Variants in GPHN observed in about 807,000 individuals in gnomAD.
The protein encoded by GPHN is gephyrin.
In GPHN, 17 loss-of-function variants were observed where a neutral mutation model predicts 95.5. That is an observed-to-expected ratio of 0.18 (90% CI 0.12 to 0.27). The LOEUF (loss-of-function observed/expected upper bound fraction) is 0.27. Ranked by LOEUF, GPHN falls within the 10% of genes least tolerant of loss-of-function variation. The pLI, the probability that GPHN is intolerant of heterozygous loss-of-function variation, is 1.00. For missense variants in GPHN, 660 were observed against 978.1 expected (o/e 0.67, Z 4.34); for synonymous variants, 320 against 322.5 (o/e 0.99, Z 0.08).
At chr14:67,644,465 C>T in the GPHN span, among the ~76,000 whole-genome samples, 1 of 152,124 alleles carries the variant, frequency 6.6e-6, no homozygotes, top group Non-Finnish European at 1.5e-5. Flanking sequence ...CTCAAAAGAC[C>T]CAACCAGTGT....
At chr14:66,635,421 G>A (rs1403629075) in intron 1 of GPHN, among the ~76,000 whole-genome samples, 2 of 152,096 alleles carry the variant, frequency 1.3e-5, no homozygotes, top group African/African-American at 4.8e-5. Flanking sequence ...AACTTTGAAA[G>A]ATTATTAGCA....
At chr14:67,254,582 GTCGTACTTGTCCTGAAATACTC>G in the GPHN span, among the ~76,000 whole-genome samples, 1 of 151,974 alleles carries the variant, frequency 6.6e-6, no homozygotes, top group Non-Finnish European at 1.5e-5. Flanking sequence ...TACTGATACA[GTCGTACTTGTCCTGAAATACTC>G]TCTACTGTCA....
chr14:66,611,064 A>C (rs150368642), intron 1 of GPHN, among the ~76,000 whole-genome samples: 21 of 152,308 alleles, frequency 1.4e-4, no homozygotes, highest in African/African-American at 5.1e-4. Context: ...CAAGCAAATA[A>C]TCTTCATCAG....
At chr14:66,938,151 G>A (rs1310627338) in intron 8 of GPHN, among the ~76,000 whole-genome samples, 1 of 152,096 alleles carries the variant, frequency 6.6e-6, no homozygotes, top group Non-Finnish European at 1.5e-5. Context: ...CAATCAGTTT[G>A]TACAATTATA....
In GPHN at chr14:67,076,061, G is replaced by GA. The variant is rs558350674; in HGVS notation, c.1145-12919dup. Among the ~76,000 whole-genome samples, 155 of 152,166 alleles carry GA rather than the reference G, an allele frequency of 1.0e-3. 1 individual carries two copies. Among genetic ancestry groups the GA allele is most frequent in the Non-Finnish European group, 1.8e-3 (123 of 68,002 alleles). ...TGCTACAGAGATATCTTTCATGAAGGAAAGAGTCAATCAGTATAGCAAACT... is the reference window on the plus strand; with the variant it reads ...TGCTACAGAGATATCTTTCATGAAGGAAAAGAGTCAATCAGTATAGCAAACT... On this transcript the variant is annotated intron_variant, in intron 11 of 22. Transcript: ENST00000478722.
At chr14:67,495,764 G>A in the GPHN span, among the ~76,000 whole-genome samples, 1 of 152,272 alleles carries the variant, frequency 6.6e-6, no homozygotes, top group Admixed American at 6.5e-5. Context: ...GATTACAGGC[G>A]TGAGCCACCA....
At chr14:67,332,435 G>A in the GPHN span, among the ~76,000 whole-genome samples, 1 of 152,230 alleles carries the variant, frequency 6.6e-6, no homozygotes, top group Non-Finnish European at 1.5e-5. Flanking sequence ...TTAGGAAGAG[G>A]TTATAGTGTC....
At chr14:67,079,604 C>CATT (rs2076614024) in intron 11 of GPHN, among the ~76,000 whole-genome samples, 1 of 123,184 alleles carries the variant, frequency 8.1e-6, no homozygotes, top group East Asian at 2.6e-4. Context: ...GTAATTCATT[C>CATT]CTTTGTTGTG....
the GPHN span, chr14:67,473,636 G>A: frequency 6.3e-7 from 1 of 1,584,550 alleles, no homozygotes; most frequent in South Asian, 1.1e-5. This position sits in a 1 kb window ranked among gnomAD's most constrained non-coding sequence, Gnocchi z 6.5. Flanking sequence ...CGTTGAACTG[G>A]CGCAGGATGA....
chr14:67,018,884 C>G (rs564821017), intron 9 of GPHN, among the ~76,000 whole-genome samples: 2 of 152,174 alleles, frequency 1.3e-5, no homozygotes, highest in East Asian at 3.9e-4. Context: ...CCTAAAATAC[C>G]AAAGCCACAT....
the GPHN span, among the ~76,000 whole-genome samples, chr14:67,500,588 T>G: frequency 6.6e-6 from 1 of 151,568 alleles, no homozygotes; most frequent in African/African-American, 2.4e-5. Flanking sequence ...TTTTTTTTTT[T>G]TGAGATGGAG....
At chr14:66,676,054 A>G (rs1310805715) in intron 1 of GPHN, among the ~76,000 whole-genome samples, 1 of 131,148 alleles carries the variant, frequency 7.6e-6, no homozygotes, top group Non-Finnish European at 1.7e-5. Flanking sequence ...TGTTACACAC[A>G]CATATATATA....
the GPHN span, among the ~76,000 whole-genome samples, chr14:67,367,436 G>A: frequency 1.2e-4 from 18 of 151,468 alleles, no homozygotes; most frequent in East Asian, 9.8e-4. Flanking sequence ...TCACCATGTT[G>A]GCCAGAATGG....
chr14:66,749,149 T>C (rs973597734), intron 2 of GPHN, among the ~76,000 whole-genome samples: 1 of 151,942 alleles, frequency 6.6e-6, no homozygotes, highest in African/African-American at 2.4e-5. Context: ...TAGTAATATG[T>C]GTTTAAGTTT....
chr14:67,237,900 T>C, the GPHN span, among the ~76,000 whole-genome samples: 1 of 152,204 alleles, frequency 6.6e-6, no homozygotes, highest in Non-Finnish European at 1.5e-5. Flanking sequence ...AGATTGTCCA[T>C]TTCATTCTAT....
At chr14:67,210,678 G>A in the GPHN span, among the ~76,000 whole-genome samples, 4 of 151,604 alleles carry the variant, frequency 2.6e-5, no homozygotes, top group East Asian at 7.7e-4. Flanking sequence ...ATTGAATCTA[G>A]GATGCATTCA....
At chr14:66,897,433 T>C (rs1056656497) in intron 5 of GPHN, among the ~76,000 whole-genome samples, 62 of 152,246 alleles carry the variant, frequency 4.1e-4, no homozygotes, top group African/African-American at 1.4e-3. Flanking sequence ...CCATAGTGGC[T>C]GTACTATTGC....
the GPHN span, chr14:67,562,735 T>C: frequency 1.2e-6 from 2 of 1,613,666 alleles, no homozygotes; most frequent in South Asian, 1.1e-5. Flanking sequence ...AGTCCCGAGC[T>C]AGGTCCCGGG....
intron 2 of GPHN, among the ~76,000 whole-genome samples, chr14:66,730,594 A>G (rs1229697160): frequency 1.3e-5 from 2 of 152,214 alleles, no homozygotes; most frequent in African/African-American, 4.8e-5. Context: ...GAAAAGTAAT[A>G]TTAAAATAGT....
Sources: gnomAD v4.1 joint callset for allele counts (sites outside exome capture counted in the v4.1 genomes callset) on GRCh38, gnomAD v4.1.1 for gene constraint, Gnocchi (gnomAD v3.1) non-coding constraint, MANE v1.5 for transcripts, NCBI Gene and HGNC (gene_info 2026-07-23, HGNC 2026-07-21) for gene names.